Variants in NBDY observed in about 807,000 individuals in gnomAD.
NBDY encodes the protein negative regulator of P-body association.
At chrX:56,750,612 C>T (rs113752767) in intron 2 of NBDY, among the ~76,000 whole-genome samples, 2,678 of 111,537 alleles carry the variant, frequency 0.024, 30 homozygotes, top group Middle Eastern at 0.042. Context: ...CTGAACTCTT[C>T]ATCACCCCAC....
chrX:56,750,126 A>G (rs141996243), intron 2 of NBDY, among the ~76,000 whole-genome samples: 120 of 111,828 alleles, frequency 1.1e-3, no homozygotes, highest in African/African-American at 3.8e-3. Flanking sequence ...TAAGATAAGA[A>G]TGAGTGAAAA....
chrX:56,729,884 A>G (rs1212490027), intron 1 of NBDY, among the ~76,000 whole-genome samples: 2 of 110,883 alleles, frequency 1.8e-5, no homozygotes, highest in Admixed American at 1.9e-4. Flanking sequence ...AGGTGGAGGG[A>G]AAGTGTAATA....
intron 2 of NBDY, among the ~76,000 whole-genome samples, chrX:56,795,355 C>T (rs1372518052): frequency 8.9e-6 from 1 of 111,751 alleles, no homozygotes; most frequent in African/African-American, 3.3e-5. Context: ...TTTAGGGTCT[C>T]CAGGCAGACA....
intron 2 of NBDY, among the ~76,000 whole-genome samples, chrX:56,787,791 T>A (rs2146731321): frequency 8.9e-6 from 1 of 112,497 alleles, no homozygotes; most frequent in South Asian, 3.7e-4. Context: ...GTGTCCCCTG[T>A]GAGGAGACTC....
chrX:56,792,989 G>A (rs1255522981), intron 2 of NBDY, among the ~76,000 whole-genome samples: 1 of 111,609 alleles, frequency 9.0e-6, no homozygotes, highest in Non-Finnish European at 1.9e-5. Flanking sequence ...TCTGTGGCAC[G>A]TGGTGGCCTT....
intron 2 of NBDY, among the ~76,000 whole-genome samples, chrX:56,813,333 A>G (rs1162051673): frequency 2.7e-5 from 3 of 110,795 alleles, no homozygotes; most frequent in African/African-American, 9.9e-5. Context: ...AGCCTTGGCA[A>G]GTTGTGTCCT....
At chrX:56,791,764 TTCC>T (rs1392727413) in intron 2 of NBDY, among the ~76,000 whole-genome samples, 1 of 110,953 alleles carries the variant, frequency 9.0e-6, no homozygotes. Context: ...TTTCTTCCTC[TTCC>T]TCCTCCTACT....
At chrX:56,795,183 G>A (rs1254583797) in intron 2 of NBDY, among the ~76,000 whole-genome samples, 1 of 112,228 alleles carries the variant, frequency 8.9e-6, no homozygotes, top group Non-Finnish European at 1.9e-5. Context: ...TGTGCTGCGT[G>A]TGAAAGGAGA....
At chrX:56,807,464 A>G (rs1482414255) in intron 2 of NBDY, among the ~76,000 whole-genome samples, 4 of 111,581 alleles carry the variant, frequency 3.6e-5, no homozygotes, top group Non-Finnish European at 7.5e-5. Flanking sequence ...ATGTCCTTCC[A>G]TTTGTTTGTG....
chrX:56,744,743 C>G (rs1465446577), intron 2 of NBDY, among the ~76,000 whole-genome samples: 1 of 111,346 alleles, frequency 9.0e-6, no homozygotes, highest in Non-Finnish European at 1.9e-5. Context: ...CAGTGGATGC[C>G]TGGTAACATG....
At chrX:56,751,620 A>G (rs1471122645) in intron 2 of NBDY, among the ~76,000 whole-genome samples, 1 of 112,231 alleles carries the variant, frequency 8.9e-6, no homozygotes, top group Admixed American at 9.4e-5. Context: ...CCTAGATCAA[A>G]ATATAAAACA....
chrX:56,786,710 G>C (rs1044030705), intron 2 of NBDY, among the ~76,000 whole-genome samples: 2 of 107,149 alleles, frequency 1.9e-5, no homozygotes, highest in Non-Finnish European at 3.8e-5. Context: ...TTTTGCTTTT[G>C]CTTCTGCTTC....
intron 2 of NBDY, among the ~76,000 whole-genome samples, chrX:56,761,931 T>C (rs1373138479): frequency 8.9e-6 from 1 of 112,184 alleles, no homozygotes; most frequent in Non-Finnish European, 1.9e-5. Flanking sequence ...TTCATTGGCC[T>C]TGTAGACTAG....
chrX:56,740,087 C>T (rs1193812324), intron 2 of NBDY, among the ~76,000 whole-genome samples: 1 of 111,796 alleles, frequency 8.9e-6, no homozygotes, highest in Non-Finnish European at 1.9e-5. Flanking sequence ...GATTTAGTGA[C>T]TGGCTGCCCA....
chrX:56,758,465 A>T (rs1425930894), intron 2 of NBDY, among the ~76,000 whole-genome samples: 1 of 111,807 alleles, frequency 8.9e-6, no homozygotes, highest in Non-Finnish European at 1.9e-5. Context: ...TGTCTGAGGC[A>T]TTTGGCTACC....
chrX:56,788,943 C>T (rs920026864), intron 2 of NBDY, among the ~76,000 whole-genome samples: 3 of 112,168 alleles, frequency 2.7e-5, no homozygotes, highest in Admixed American at 9.3e-5. Flanking sequence ...GCAGAGTCCA[C>T]CCAGCCCCGC....
At chrX:56,729,611 G>A (rs1464981091) in intron 1 of NBDY, 22 bp downstream of exon 1, 1 of 296,881 alleles carries the variant, frequency 3.4e-6, no homozygotes, top group Non-Finnish European at 5.9e-6. Flanking sequence ...TCTCATCTAG[G>A]ACATCTAGGC....
rs779219641 is a variant in NBDY at position 56,785,186 on chromosome X, C to T, written c.*167-32134C>T. On this transcript the variant is annotated intron_variant, in intron 2 of 2. Transcript: ENST00000374922. ...CATGACCATGGAACAGGAGTCACCC[C>T]CTTTCTGTCACTTGTCAACAAATGC... 9.9e-5 allele frequency among the ~76,000 whole-genome samples: 11 copies of T among 111,113 alleles called. No homozygotes were observed. The South Asian group carries it at 4.2e-3, about 43-fold the overall frequency.
chrX:56,758,052 C>T (rs948170382), intron 2 of NBDY, among the ~76,000 whole-genome samples: 6 of 111,618 alleles, frequency 5.4e-5, no homozygotes, highest in Admixed American at 1.9e-4. Context: ...CAGCCAGGTC[C>T]GCTAGGCATG....
Sources: allele counts gnomAD v4.1 joint callset (sites outside exome capture counted in the v4.1 genomes callset), GRCh38; gene constraint gnomAD v4.1.1; transcripts MANE v1.5; gene names NCBI Gene and HGNC (gene_info 2026-07-23, HGNC 2026-07-21).